DBT: variants seen among roughly 807,000 people sequenced by gnomAD.
DBT encodes the protein lipoamide acyltransferase component of branched-chain alpha-keto acid dehydrogenase complex, mitochondrial.
DBT carries 40 observed loss-of-function variants against 51.3 expected under a neutral mutation model. The observed-to-expected ratio is 0.78, with a 90% CI of 0.61 to 1.02. The LOEUF (loss-of-function observed/expected upper bound fraction) is 1.02. Among genes scored for constraint, DBT ranks in the 50% least tolerant of loss-of-function variants. The pLI is 0.00. For synonymous variants in DBT, 181 were observed against 190.4 expected (o/e 0.95, Z 0.41); for missense variants, 510 against 580.2 (o/e 0.88, Z 1.24).
intron 10 of DBT, among the ~76,000 whole-genome samples, chr1:100,204,715 C>T (rs1023652524): frequency 1.3e-5 from 2 of 152,132 alleles, no homozygotes; most frequent in South Asian, 2.1e-4. Flanking sequence ...TACTACAAGG[C>T]TACAGTAACC....
In DBT at chr1:100,196,312, G is replaced by A. The variant is rs765967170; in HGVS notation, c.1392C>T (p.Ser464=). The A allele has an allele frequency of 5.0e-6, 8 of 1,613,252 alleles. No homozygotes were observed. The East Asian group carries it at 1.8e-4, about 36-fold the overall frequency. ...VIDGATMSRF[S]NLWKSYLENP... ...TTTCTAAATAGGATTTCCACAAATT[G>A]GAGAAGCGTGACATTGTAGCACCAT... is the stretch of plus-strand genomic sequence containing the variant. The change falls in exon 11 of 11, where the codon TCC becomes TCT. Residue 464 remains serine, a synonymous_variant. Coordinates refer to ENST00000370132, the MANE Select transcript of DBT (RefSeq NM_001918.5).
chr1:100,233,779 T>C (rs759031625), intron 3 of DBT, among the ~76,000 whole-genome samples: 2 of 152,282 alleles, frequency 1.3e-5, no homozygotes, highest in Admixed American at 6.5e-5. Context: ...TTTGTCCTGA[T>C]TGGCTAGCAA....
At chr1:100,200,433 C>G (rs868664335) in intron 10 of DBT, among the ~76,000 whole-genome samples, 1 of 152,246 alleles carries the variant, frequency 6.6e-6, no homozygotes, top group African/African-American at 2.4e-5. Context: ...AAACTCCCAT[C>G]TCCCTGGGAC....
chr1:100,204,452 G>A (rs1290488344), intron 10 of DBT, among the ~76,000 whole-genome samples: 1 of 152,236 alleles, frequency 6.6e-6, no homozygotes, highest in African/African-American at 2.4e-5. Context: ...GGAAATACAA[G>A]GGGACACAAA....
Position 100,214,951 on chromosome 1 carries a change from C to CA in DBT, c.804dup (p.Ala269CysfsTer12), listed in dbSNP as rs759011495. 6.2e-7 allele frequency: 1 copy of CA among 1,612,032 alleles called. No individual in the cohort carries two copies. The highest frequency in any genetic ancestry group is 8.5e-7 in the Non-Finnish European group (1 of 1,178,264). On this transcript the variant is annotated frameshift_variant, in exon 7 of 11. Coordinates refer to ENST00000370132, the MANE Select transcript of DBT (RefSeq NM_001918.5). LOFTEE classifies it high-confidence loss of function. ...CCAAAATGAGGTATCTTCAGGGCTG[C>CA]AGACATAGTCTTGACCATTGCTTTT... is the stretch of plus-strand genomic sequence containing the variant.
At chr1:100,244,319 A>G (rs1191479137) in intron 1 of DBT, among the ~76,000 whole-genome samples, 2 of 152,216 alleles carry the variant, frequency 1.3e-5, no homozygotes, top group Non-Finnish European at 2.9e-5. Context: ...TATAAAAGAG[A>G]GCAATGGAAA....
chr1:100,238,187 T>A, intron 2 of DBT, among the ~76,000 whole-genome samples: 1 of 38,450 alleles, frequency 2.6e-5, no homozygotes, highest in Non-Finnish European at 7.8e-5. Flanking sequence ...CTTCCTTCCC[T>A]CCTTCCTTCC....
At chr1:100,240,634 A>C in intron 2 of DBT, 127 bp downstream of exon 2, 37 of 749,226 alleles carry the variant, frequency 4.9e-5, no homozygotes, top group East Asian at 1.0e-4. Context: ...GGGAGATGGG[A>C]AGGGCCCGGC....
intron 10 of DBT, 82 bp downstream of exon 10, chr1:100,206,148 A>C: frequency 1.1e-6 from 1 of 906,382 alleles, no homozygotes; most frequent in Non-Finnish European, 1.8e-6. Flanking sequence ...AAGGAGGGGA[A>C]ACCTTAGAAA....
At chr1:100,229,203 T>C (rs955613064) in intron 4 of DBT, among the ~76,000 whole-genome samples, 6 of 152,252 alleles carry the variant, frequency 3.9e-5, no homozygotes, top group African/African-American at 1.2e-4. Context: ...AGTCTTGCTC[T>C]GTCACCTAGG....
chr1:100,213,245 G>A, intron 7 of DBT: 1 of 1,195,298 alleles, frequency 8.4e-7, no homozygotes. Context: ...GCCACCCGGG[G>A]CGTGCGCCGC....
chr1:100,193,221 A>T lies in DBT; in HGVS notation c.*3034T>A, dbSNP rs1414189959. The T allele has an allele frequency of 6.6e-6, 1 of 152,206 alleles. No homozygotes were observed. Among genetic ancestry groups the T allele is most frequent in the Non-Finnish European group, 1.5e-5 (1 of 68,042 alleles). 9.4% of individuals were successfully genotyped at this position (152,206 alleles called of 1,614,324 possible). On this transcript the variant is annotated 3_prime_UTR_variant, in exon 11 of 11. Coordinates refer to ENST00000370132, the MANE Select transcript of DBT (RefSeq NM_001918.5). Reference sequence around the variant, plus strand: ...TGAGCCATTGATGCTGGACCTACATACTTACTTATTTCAGAACTCCCTTCT... The same window carrying T: ...TGAGCCATTGATGCTGGACCTACATTCTTACTTATTTCAGAACTCCCTTCT...
intron 10 of DBT, among the ~76,000 whole-genome samples, chr1:100,199,794 G>A (rs1239832550): frequency 6.6e-6 from 1 of 152,198 alleles, no homozygotes; most frequent in Non-Finnish European, 1.5e-5. Flanking sequence ...GGCGCAAGGG[G>A]TCAGGGAACT....
rs1297949810 is a variant in DBT at position 100,243,939 on chromosome 1, C to T, written c.52-3055G>A. Among the ~76,000 whole-genome samples, 9 of 53,738 alleles carry T rather than the reference C, an allele frequency of 1.7e-4. No homozygotes were observed. The South Asian group carries it at 7.1e-3, about 42-fold the overall frequency. The allele number at this position is 53,738 out of a possible 152,430, so 35.3% of individuals were successfully genotyped here. On this transcript the variant is annotated intron_variant, in intron 1 of 10. Coordinates refer to ENST00000370132, the MANE Select transcript of DBT (RefSeq NM_001918.5). ...TTCTTTAATATAGTCCATAGGTTTA[C>T]GAAAAAAAAAAAAAAGAGACATAGG...
intron 1 of DBT, chr1:100,249,289 T>G: frequency 4.3e-6 from 1 of 231,236 alleles, no homozygotes. Flanking sequence ...GGCAAAAGAG[T>G]GACGCCGAGC....
At chr1:100,228,287 G>A (rs1037307957) in intron 4 of DBT, among the ~76,000 whole-genome samples, 1 of 152,154 alleles carries the variant, frequency 6.6e-6, no homozygotes, top group Non-Finnish European at 1.5e-5. Flanking sequence ...CTCTTCAAAT[G>A]AGTGTCATGA....
At chr1:100,229,037 C>T (rs187736220) in intron 4 of DBT, among the ~76,000 whole-genome samples, 2 of 152,112 alleles carry the variant, frequency 1.3e-5, no homozygotes, top group African/African-American at 4.8e-5. Context: ...TAGTAGGAAG[C>T]CTTCAATAAA....
intron 1 of DBT, among the ~76,000 whole-genome samples, chr1:100,246,585 C>T (rs1222337669): frequency 6.6e-6 from 1 of 152,072 alleles, no homozygotes; most frequent in South Asian, 2.1e-4. Context: ...CATTATAAGG[C>T]TATTTTAATA....
At chr1:100,248,015 T>C (rs936605283) in intron 1 of DBT, among the ~76,000 whole-genome samples, 1 of 150,002 alleles carries the variant, frequency 6.7e-6, no homozygotes, top group South Asian at 2.1e-4. Context: ...GGCAAAAGAA[T>C]CGCTTGAAAC....
Sources: allele counts gnomAD v4.1 joint callset (sites outside exome capture counted in the v4.1 genomes callset), GRCh38; gene constraint gnomAD v4.1.1; transcripts MANE v1.5; gene names NCBI Gene and HGNC (gene_info 2026-07-23, HGNC 2026-07-21).